SETBP1: variants seen among roughly 807,000 people sequenced by gnomAD.
SETBP1 encodes SET-binding protein.
Under a neutral mutation model 101.0 loss-of-function variants are expected in SETBP1, and 9 were observed. The observed-to-expected ratio is 0.09, with a 90% CI of 0.05 to 0.16. The LOEUF (loss-of-function observed/expected upper bound fraction) is 0.16, where lower values mean the gene tolerates loss of function less well. Ranked by LOEUF, SETBP1 falls within the 10% of genes least tolerant of loss-of-function variation. The pLI is 1.00. For synonymous variants in SETBP1, 818 were observed against 788.5 expected (o/e 1.04, Z -0.63); for missense variants, 1,858 against 2,033.8 (o/e 0.91, Z 1.66).
chr18:44,819,240 G>A (rs555609091), intron 2 of SETBP1, among the ~76,000 whole-genome samples: 3 of 152,154 alleles, frequency 2.0e-5, no homozygotes, highest in Middle Eastern at 3.4e-3. Flanking sequence ...CCATCACCTG[G>A]TTTCCTTTTG....
At chr18:45,015,210 T>C (rs1182298193) in intron 4 of SETBP1, among the ~76,000 whole-genome samples, 2 of 152,220 alleles carry the variant, frequency 1.3e-5, no homozygotes, top group Non-Finnish European at 2.9e-5. Context: ...ATCAAGGTAC[T>C]AGAATAAAAT....
chr18:44,757,870 C>A (rs1259762174), intron 2 of SETBP1, among the ~76,000 whole-genome samples: 1 of 151,918 alleles, frequency 6.6e-6, no homozygotes, highest in Non-Finnish European at 1.5e-5. Context: ...CTAAACCTAT[C>A]ACAATTCAAA....
At chr18:44,726,337 A>G (rs1384311388) in intron 2 of SETBP1, among the ~76,000 whole-genome samples, 2 of 152,216 alleles carry the variant, frequency 1.3e-5, no homozygotes, top group East Asian at 1.9e-4. Flanking sequence ...GAAAGAGATT[A>G]TGAATAATCA....
At chr18:44,956,318 A>G (rs973771445) in intron 4 of SETBP1, among the ~76,000 whole-genome samples, 1 of 152,094 alleles carries the variant, frequency 6.6e-6, no homozygotes, top group Admixed American at 6.6e-5. Flanking sequence ...AGAGTTTGTC[A>G]AGACTCCCTG....
intron 2 of SETBP1, among the ~76,000 whole-genome samples, chr18:44,724,902 G>T (rs1369699326): frequency 6.6e-6 from 1 of 152,180 alleles, no homozygotes; most frequent in African/African-American, 2.4e-5. Context: ...TGGAAAGAAA[G>T]AATATGAATG....
chr18:45,030,222 G>T (rs1162290110), intron 4 of SETBP1, among the ~76,000 whole-genome samples: 5 of 126,562 alleles, frequency 4.0e-5, no homozygotes, highest in South Asian at 5.3e-4. Context: ...TAGCATGAAG[G>T]GTTGTTGAAT....
intron 3 of SETBP1, among the ~76,000 whole-genome samples, chr18:44,905,461 A>G (rs1171342156): frequency 6.6e-6 from 1 of 152,218 alleles, no homozygotes; most frequent in Admixed American, 6.5e-5. Flanking sequence ...TGTCTAACAC[A>G]TCTTAGATAC....
At chr18:44,710,110 T>G (rs938624822) in intron 2 of SETBP1, among the ~76,000 whole-genome samples, 1 of 152,156 alleles carries the variant, frequency 6.6e-6, no homozygotes, top group African/African-American at 2.4e-5. Context: ...TGACCCGCAG[T>G]TATATTTCCT....
At position 45,053,819 on chromosome 18, in the gene SETBP1, A is replaced by C. The variant is rs945323752; in HGVS notation, c.4172-9260A>C. Reference sequence around the variant, plus strand: ...GAAAATGTCTCACAATCAGGTAAGAACATGCATGCACAATAGTTGGGGTAT... The same window carrying C: ...GAAAATGTCTCACAATCAGGTAAGACCATGCATGCACAATAGTTGGGGTAT... On this transcript the variant is annotated intron_variant, in intron 5 of 5. Coordinates refer to ENST00000649279, the MANE Select transcript of SETBP1 (RefSeq NM_015559.3). Among the ~76,000 whole-genome samples, 10 of 152,276 alleles carry C rather than the reference A, an allele frequency of 6.6e-5. No homozygotes were observed. The East Asian group carries it at 1.9e-3, about 29-fold the overall frequency.
chr18:45,043,363 T>TCTCACA (rs67123945), intron 5 of SETBP1, among the ~76,000 whole-genome samples: 1,662 of 148,880 alleles, frequency 0.011, 33 homozygotes, highest in African/African-American at 0.035. Context: ...TCTCTCTCTC[T>TCTCACA]CTCACACACT....
chr18:45,008,847 C>G (rs899792172), intron 4 of SETBP1, among the ~76,000 whole-genome samples: 1 of 152,208 alleles, frequency 6.6e-6, no homozygotes, highest in African/African-American at 2.4e-5. Context: ...GCCCTGCACT[C>G]TCTCTGCTGT....
intron 4 of SETBP1, among the ~76,000 whole-genome samples, chr18:44,955,142 G>T (rs2071454525): frequency 6.6e-6 from 1 of 152,222 alleles, no homozygotes; most frequent in East Asian, 1.9e-4. Context: ...AGGCTGTGTT[G>T]CTGAGTGCTG....
At chr18:44,965,736 A>G (rs1435778478) in intron 4 of SETBP1, among the ~76,000 whole-genome samples, 1 of 152,104 alleles carries the variant, frequency 6.6e-6, no homozygotes, top group East Asian at 1.9e-4. Context: ...TTCCTCCATT[A>G]TTTTTGAATT....
intron 3 of SETBP1, among the ~76,000 whole-genome samples, chr18:44,911,941 CCA>C (rs5824564): frequency 4.0e-5 from 6 of 149,926 alleles, no homozygotes; most frequent in Admixed American, 6.7e-5. Flanking sequence ...ATACACACAC[CCA>C]CACACACACA....
chr18:44,850,860 T>C (rs2072840902), intron 2 of SETBP1, among the ~76,000 whole-genome samples: 1 of 152,252 alleles, frequency 6.6e-6, no homozygotes, highest in Non-Finnish European at 1.5e-5. Context: ...AAACCCTTTG[T>C]GTTTTTTATT....
intron 1 of SETBP1, among the ~76,000 whole-genome samples, chr18:44,681,318 T>A (rs1354847878): frequency 6.6e-6 from 1 of 152,176 alleles, no homozygotes; most frequent in African/African-American, 2.4e-5. Flanking sequence ...CATTATCTCT[T>A]TGACCGAAAT....
At position 44,950,225 on chromosome 18, in the gene SETBP1, C is replaced by T. The variant is rs1185646349; in HGVS notation, c.885C>T (p.Ser295=). 2.5e-6 allele frequency: 4 copies of T among 1,613,834 alleles called. No homozygotes were observed. In the African/African-American group the frequency reaches 4.0e-5, roughly 16 times the overall value. Residue 295 remains serine, a synonymous_variant, in exon 4 of 6, where the codon AGC becomes AGT. Coordinates refer to ENST00000649279, the MANE Select transcript of SETBP1 (RefSeq NM_015559.3). ...GAGGTGTGGCTCCATCCCCAAGCAG[C>T]CACAGCTCACCAGCCCCACCCAGCA... ...LLGGVAPSPS[S]HSSPAPPSSS...
At chr18:44,891,053 G>A (rs926186538) in intron 3 of SETBP1, among the ~76,000 whole-genome samples, 2 of 152,162 alleles carry the variant, frequency 1.3e-5, no homozygotes, top group African/African-American at 4.8e-5. Context: ...ACGTGGCTGA[G>A]GAGGCCTCAC....
intron 4 of SETBP1, among the ~76,000 whole-genome samples, chr18:45,014,021 G>A (rs908558430): frequency 1.5e-5 from 2 of 134,718 alleles, no homozygotes; most frequent in Non-Finnish European, 3.2e-5. Flanking sequence ...AGCAAAGGAT[G>A]TTCGGCAGAA....
Sources: allele counts gnomAD v4.1 joint callset (sites outside exome capture counted in the v4.1 genomes callset), GRCh38; gene constraint gnomAD v4.1.1; transcripts MANE v1.5; gene names NCBI Gene and HGNC (gene_info 2026-07-23, HGNC 2026-07-21).